Variants in LTBP1 observed in about 807,000 individuals in gnomAD.
LTBP1 encodes the protein latent-transforming growth factor beta-binding protein 1.
Under a neutral mutation model 207.6 loss-of-function variants are expected in LTBP1, and 129 were observed. The ratio of observed to expected loss-of-function variants is 0.62; its 90% CI spans 0.54 to 0.72. LTBP1 has a LOEUF of 0.72. Among genes scored for constraint, LTBP1 ranks in the 30% least tolerant of loss-of-function variants. The probability of loss-of-function intolerance (pLI) is 0.00; values close to 1 mark genes in which losing one functional copy is unlikely to be tolerated. For synonymous variants in LTBP1, 963 were observed against 833.7 expected, an observed-to-expected ratio of 1.16 and a Z score of -2.67; for missense variants, 2,281 against 2,217.2, an observed-to-expected ratio of 1.03 and a Z score of -0.58.
intron 11 of LTBP1, among the ~76,000 whole-genome samples, chr2:33,254,856 T>TTTG (rs1558893257): frequency 2.1e-4 from 20 of 93,532 alleles, no homozygotes; most frequent in Admixed American, 1.4e-3. Context: ...TGTTTGGTTT[T>TTTG]TTTTTTTTTT....
At chr2:33,270,458 C>T (rs969468054) in intron 15 of LTBP1, among the ~76,000 whole-genome samples, 21 of 151,532 alleles carry the variant, frequency 1.4e-4, no homozygotes, top group African/African-American at 3.4e-4. Flanking sequence ...GGCGTGGTGG[C>T]GGGTGCCTGT....
chr2:33,152,140 A>G (rs1241601214), intron 5 of LTBP1, among the ~76,000 whole-genome samples: 1 of 152,194 alleles, frequency 6.6e-6, no homozygotes, highest in Non-Finnish European at 1.5e-5. Context: ...CAACTCACAG[A>G]GTGGGAGAAA....
intron 5 of LTBP1, among the ~76,000 whole-genome samples, chr2:33,179,639 T>C (rs2086419942): frequency 7.2e-6 from 1 of 139,828 alleles, no homozygotes; most frequent in Admixed American, 6.7e-5. Flanking sequence ...TTTAGTGAGT[T>C]TTAAGTTAAA....
intron 3 of LTBP1, among the ~76,000 whole-genome samples, chr2:33,066,909 A>C (rs188484515): frequency 5.4e-4 from 82 of 152,282 alleles, no homozygotes; most frequent in Admixed American, 5.3e-3. Flanking sequence ...AGACTCTTCT[A>C]AGCCTTGAGC....
At chr2:33,075,671 A>G (rs1178577673) in intron 3 of LTBP1, among the ~76,000 whole-genome samples, 2 of 152,196 alleles carry the variant, frequency 1.3e-5, no homozygotes, top group Non-Finnish European at 1.5e-5. Context: ...TTTTGAAGTT[A>G]CCCAACTGCC....
At chr2:33,235,111 G>A (rs557672390) in intron 9 of LTBP1, among the ~76,000 whole-genome samples, 71 of 152,192 alleles carry the variant, frequency 4.7e-4, no homozygotes, top group African/African-American at 1.6e-3. Flanking sequence ...GTGCAAACAG[G>A]CAAACTACAG....
chr2:33,007,154 T>C (rs1425209171), intron 2 of LTBP1, among the ~76,000 whole-genome samples: 1 of 152,232 alleles, frequency 6.6e-6, no homozygotes, highest in African/African-American at 2.4e-5. Flanking sequence ...AACCTCTGCC[T>C]TCTGGGTTCA....
At chr2:33,132,510 T>G (rs2081872879) in intron 4 of LTBP1, among the ~76,000 whole-genome samples, 1 of 152,156 alleles carries the variant, frequency 6.6e-6, no homozygotes, top group Admixed American at 6.5e-5. Flanking sequence ...AGGAATAGAG[T>G]CCTTTTCGCC....
At chr2:33,173,908 A>C (rs1338288660) in intron 5 of LTBP1, among the ~76,000 whole-genome samples, 7 of 145,890 alleles carry the variant, frequency 4.8e-5, no homozygotes, top group Non-Finnish European at 1.1e-4. Context: ...CAAAAACCAC[A>C]TGATTATCTC....
At chr2:32,995,578 G>C (rs1226049503) in intron 2 of LTBP1, among the ~76,000 whole-genome samples, 2 of 152,052 alleles carry the variant, frequency 1.3e-5, no homozygotes, top group African/African-American at 2.4e-5. Context: ...TCAGGAGATC[G>C]AGACCATCCT....
At chr2:33,216,976 C>G (rs544234854) in intron 7 of LTBP1, among the ~76,000 whole-genome samples, 1 of 152,296 alleles carries the variant, frequency 6.6e-6, no homozygotes, top group African/African-American at 2.4e-5. Context: ...GCTGACCTCC[C>G]TGGGTCAGAA....
intron 3 of LTBP1, among the ~76,000 whole-genome samples, chr2:33,051,448 A>C (rs2076738915): frequency 6.6e-6 from 1 of 152,096 alleles, no homozygotes; most frequent in Admixed American, 6.6e-5. Context: ...CACACACACA[A>C]AACTGTAGTC....
At chr2:33,274,828 G>A (rs890035537) in intron 16 of LTBP1, 137 bp from the exon 17 acceptor site, 14 of 745,902 alleles carry the variant, frequency 1.9e-5, no homozygotes, top group Admixed American at 1.1e-4. Context: ...GAGAAAGATC[G>A]TGTCTCCTTT....
At chr2:32,983,784 C>T (rs914360782) in intron 2 of LTBP1, among the ~76,000 whole-genome samples, 1 of 152,212 alleles carries the variant, frequency 6.6e-6, no homozygotes, top group Non-Finnish European at 1.5e-5. Flanking sequence ...GATTGTGAGG[C>T]CTCCCCAGCC....
intron 3 of LTBP1, among the ~76,000 whole-genome samples, chr2:33,092,193 A>G (rs937725652): frequency 1.4e-4 from 19 of 138,992 alleles, no homozygotes; most frequent in Middle Eastern, 3.8e-3. Flanking sequence ...ACACACACAC[A>G]CGCGCACACA....
At chr2:33,148,047 A>G (rs369132522) in intron 5 of LTBP1, among the ~76,000 whole-genome samples, 1 of 152,326 alleles carries the variant, frequency 6.6e-6, no homozygotes, top group East Asian at 1.9e-4. Context: ...TAGTCTGCAC[A>G]ATATCTCAGC....
intron 32 of LTBP1, among the ~76,000 whole-genome samples, chr2:33,391,769 C>T (rs929884046): frequency 6.0e-5 from 9 of 149,726 alleles, no homozygotes; most frequent in African/African-American, 2.2e-4. Flanking sequence ...GCTTATGTAC[C>T]TTCTTTTTAA....
chr2:33,165,690 G>A (rs1357883627), intron 5 of LTBP1, among the ~76,000 whole-genome samples: 1 of 152,148 alleles, frequency 6.6e-6, no homozygotes, highest in Non-Finnish European at 1.5e-5. Flanking sequence ...GTTGCACCCA[G>A]GAATTTATCA....
intron 13 of LTBP1, 56 bp downstream of exon 13, chr2:33,259,666 A>G (rs988355412): frequency 1.2e-5 from 19 of 1,523,100 alleles, no homozygotes; most frequent in Middle Eastern, 1.7e-4. Flanking sequence ...GTGATTTTCT[A>G]TTAGAATATG....
Sources: gnomAD v4.1 joint callset for allele counts (sites outside exome capture counted in the v4.1 genomes callset) on GRCh38, gnomAD v4.1.1 for gene constraint, MANE v1.5 for transcripts, NCBI Gene and HGNC (gene_info 2026-07-23, HGNC 2026-07-21) for gene names.